KLF12: variants seen among roughly 807,000 people sequenced by gnomAD.
The protein encoded by KLF12 is KLF transcription factor 12, also known as Krueppel-like factor 12.
In KLF12, 9 loss-of-function variants were observed where a neutral mutation model predicts 37.8. That is an observed-to-expected ratio of 0.24 (90% CI 0.14 to 0.42). The LOEUF (loss-of-function observed/expected upper bound fraction) is 0.42. KLF12 is among the 10% of genes least tolerant of loss of function. The pLI is 1.00. For synonymous variants in KLF12, 208 were observed against 202.1 expected (o/e 1.03, Z -0.25); for missense variants, 411 against 516.0 (o/e 0.80, Z 1.97).
At chr13:74,126,789 A>G (rs769669861) in intron 1 of KLF12, among the ~76,000 whole-genome samples, 10 of 152,228 alleles carry the variant, frequency 6.6e-5, no homozygotes, top group Non-Finnish European at 1.0e-4. Flanking sequence ...AAAATCCAGT[A>G]TATAAATGGC....
At chr13:73,706,596 T>C (rs925268742) in intron 7 of KLF12, among the ~76,000 whole-genome samples, 2 of 152,230 alleles carry the variant, frequency 1.3e-5, no homozygotes, top group Non-Finnish European at 2.9e-5. Context: ...TCCAAATTTT[T>C]TGTTTTCCTT....
intron 3 of KLF12, among the ~76,000 whole-genome samples, chr13:73,942,102 T>C (rs979357211): frequency 1.3e-5 from 2 of 152,158 alleles, no homozygotes; most frequent in Non-Finnish European, 2.9e-5. Context: ...ACCTAAATAT[T>C]TCAGGTAGAC....
At chr13:74,243,180 C>T in the KLF12 span, among the ~76,000 whole-genome samples, 1 of 152,140 alleles carries the variant, frequency 6.6e-6, no homozygotes, top group Non-Finnish European at 1.5e-5. Context: ...TGTTCAACTC[C>T]CACTTATGAG....
intron 3 of KLF12, among the ~76,000 whole-genome samples, chr13:73,857,506 T>C (rs546570152): frequency 2.4e-4 from 37 of 152,344 alleles, no homozygotes; most frequent in Admixed American, 1.1e-3. Context: ...CATTCAAATA[T>C]TAACACTCTT....
At chr13:73,894,047 G>A (rs1033001683) in intron 3 of KLF12, among the ~76,000 whole-genome samples, 5 of 152,150 alleles carry the variant, frequency 3.3e-5, no homozygotes, top group South Asian at 2.1e-4. Context: ...AAGGCTGCCC[G>A]AGTTAGTGAG....
chr13:74,241,703 A>G, the KLF12 span, among the ~76,000 whole-genome samples: 27 of 147,096 alleles, frequency 1.8e-4, no homozygotes, highest in African/African-American at 3.6e-4. Flanking sequence ...GGTGGGAGTG[A>G]CCCGATTTTC....
At chr13:73,695,718 T>C in intron 7 of KLF12, 47 bp from the exon 8 acceptor site, 1 of 1,572,164 alleles carries the variant, frequency 6.4e-7, no homozygotes, top group South Asian at 1.1e-5. Context: ...ATCCATCACT[T>C]TGCCATAACC....
intron 1 of KLF12, among the ~76,000 whole-genome samples, chr13:74,012,546 A>G (rs1034021970): frequency 2.6e-5 from 4 of 152,210 alleles, no homozygotes; most frequent in African/African-American, 9.6e-5. Context: ...AGCACAACTA[A>G]GTATATTATG....
intron 5 of KLF12, among the ~76,000 whole-genome samples, chr13:73,769,759 T>C (rs1047784402): frequency 6.6e-6 from 1 of 152,220 alleles, no homozygotes; most frequent in East Asian, 1.9e-4. Flanking sequence ...GTTGGAATTA[T>C]TCACTCAGTT....
chr13:74,014,639 C>A (rs1207335458), intron 1 of KLF12, among the ~76,000 whole-genome samples: 8 of 152,060 alleles, frequency 5.3e-5, no homozygotes, highest in African/African-American at 1.7e-4. Context: ...TAGCATTGAC[C>A]GCAATTGTTA....
chr13:73,816,263 C>T (rs1310378721), intron 4 of KLF12, among the ~76,000 whole-genome samples: 1 of 152,204 alleles, frequency 6.6e-6, no homozygotes, highest in Non-Finnish European at 1.5e-5. Flanking sequence ...AGGACTGATT[C>T]TCTGGCATGC....
chr13:74,027,153 C>T (rs957521310), intron 1 of KLF12, among the ~76,000 whole-genome samples: 3 of 152,198 alleles, frequency 2.0e-5, no homozygotes, highest in African/African-American at 7.2e-5. Flanking sequence ...AAATACGAAT[C>T]AACTGCTTAT....
chr13:74,090,758 TA>T (rs2138816056), intron 1 of KLF12, among the ~76,000 whole-genome samples: 1 of 152,210 alleles, frequency 6.6e-6, no homozygotes, highest in Admixed American at 6.5e-5. Context: ...CTTTGTTAGA[TA>T]CCTCATTTGT....
chr13:73,963,477 T>C (rs1458731484), intron 2 of KLF12, among the ~76,000 whole-genome samples: 2 of 152,218 alleles, frequency 1.3e-5, no homozygotes, highest in East Asian at 3.8e-4. Context: ...CTATTTATTT[T>C]CAATTTTAGA....
At chr13:73,858,325 GT>G (rs1442932001) in intron 3 of KLF12, among the ~76,000 whole-genome samples, 4 of 152,122 alleles carry the variant, frequency 2.6e-5, no homozygotes, top group Non-Finnish European at 2.9e-5. Context: ...TTTTAGACTG[GT>G]GGCATGATTT....
At chr13:74,089,748 T>C (rs9530277) in intron 1 of KLF12, among the ~76,000 whole-genome samples, 86,160 of 126,784 alleles carry the variant, frequency 0.68, 26,389 homozygotes, top group East Asian at 0.88. Flanking sequence ...AAAAAAAACA[T>C]AAATCAAACT....
chr13:73,959,872 G>T (rs1000074333), intron 2 of KLF12, among the ~76,000 whole-genome samples: 2 of 152,140 alleles, frequency 1.3e-5, no homozygotes, highest in African/African-American at 2.4e-5. Flanking sequence ...ATCAGACGAT[G>T]GCAAACCACC....
At chr13:73,926,355 GAA>G (rs780938126) in intron 3 of KLF12, among the ~76,000 whole-genome samples, 1 of 152,180 alleles carries the variant, frequency 6.6e-6, no homozygotes, top group Non-Finnish European at 1.5e-5. Flanking sequence ...AAGATTTGCT[GAA>G]AGTCCAGATG....
chr13:74,140,190 T>C, the KLF12 span, among the ~76,000 whole-genome samples: 1 of 152,218 alleles, frequency 6.6e-6, no homozygotes, highest in African/African-American at 2.4e-5. Flanking sequence ...ATTTTTACTG[T>C]TATAGAAACC....
Sources: gnomAD v4.1 joint callset for allele counts (sites outside exome capture counted in the v4.1 genomes callset) on GRCh38, gnomAD v4.1.1 for gene constraint, MANE v1.5 for transcripts, NCBI Gene and HGNC (gene_info 2026-07-23, HGNC 2026-07-21) for gene names.